PDE3A: variants seen among roughly 807,000 people sequenced by gnomAD.
PDE3A encodes the protein phosphodiesterase 3A, also known as cGMP-inhibited 3',5'-cyclic phosphodiesterase 3A.
A neutral mutation model predicts 98.3 loss-of-function variants in PDE3A; 43 were observed. The ratio of observed to expected loss-of-function variants is 0.44; its 90% confidence interval spans 0.34 to 0.56. The LOEUF (loss-of-function observed/expected upper bound fraction) is 0.56, where lower values mean the gene tolerates loss of function less well. Among genes scored for constraint, PDE3A ranks in the 20% least tolerant of loss-of-function variants. PDE3A has a pLI of 0.01. For synonymous variants in PDE3A, 663 were observed against 567.9 expected (o/e 1.17, Z -2.38); for missense variants, 1,427 against 1,440.7 (o/e 0.99, Z 0.15).
At chr12:20,493,680 C>A (rs952570100) in intron 1 of PDE3A, among the ~76,000 whole-genome samples, 2 of 152,016 alleles carry the variant, frequency 1.3e-5, no homozygotes, top group Non-Finnish European at 2.9e-5. Flanking sequence ...GCCAAGGCTG[C>A]AGTACAATGG....
At chr12:20,518,931 A>T (rs1032958701) in intron 1 of PDE3A, among the ~76,000 whole-genome samples, 1 of 152,136 alleles carries the variant, frequency 6.6e-6, no homozygotes, top group Non-Finnish European at 1.5e-5. Context: ...GAGGAATTGA[A>T]TTTTTTAAAA....
At chr12:20,467,686 C>A (rs1316375619) in intron 1 of PDE3A, among the ~76,000 whole-genome samples, 3 of 151,704 alleles carry the variant, frequency 2.0e-5, no homozygotes. Context: ...CCTGTAATCC[C>A]AGCATTTTGG....
chr12:20,491,825 T>C (rs1341188436), intron 1 of PDE3A, among the ~76,000 whole-genome samples: 1 of 152,234 alleles, frequency 6.6e-6, no homozygotes, highest in Non-Finnish European at 1.5e-5. Context: ...CGAATCTCTT[T>C]ACAGTAGTAG....
At chr12:20,457,105 C>T (rs937915631) in intron 1 of PDE3A, among the ~76,000 whole-genome samples, 1 of 151,934 alleles carries the variant, frequency 6.6e-6, no homozygotes, top group Admixed American at 6.6e-5. Context: ...CCTGACAATT[C>T]ACGTAGCAAG....
chr12:20,542,436 TACACACACACACAC>T (rs57427303), intron 1 of PDE3A, among the ~76,000 whole-genome samples: 11 of 149,834 alleles, frequency 7.3e-5, no homozygotes, highest in South Asian at 2.1e-4. Context: ...CGTAACAGCA[TACACACACACACAC>T]ACACACACAC....
At chr12:20,459,761 G>A (rs948545618) in intron 1 of PDE3A, among the ~76,000 whole-genome samples, 1 of 152,104 alleles carries the variant, frequency 6.6e-6, no homozygotes, top group Non-Finnish European at 1.5e-5. Context: ...TTGTGTATCA[G>A]TAGGGCCCGC....
intron 13 of PDE3A, 40 bp downstream of exon 13, chr12:20,648,931 T>TC: frequency 3.2e-6 from 4 of 1,246,712 alleles, no homozygotes; most frequent in Non-Finnish European, 3.4e-6. Flanking sequence ...CTTTTTCTTT[T>TC]TTTTTTTTTT....
chr12:20,584,295 T>C (rs1943139793), intron 2 of PDE3A, among the ~76,000 whole-genome samples: 1 of 152,096 alleles, frequency 6.6e-6, no homozygotes, highest in Non-Finnish European at 1.5e-5. Flanking sequence ...TGTCAGAAAA[T>C]TACAGATTGT....
At position 20,449,985 on chromosome 12, in the gene PDE3A, T is replaced by C. The variant is rs967508923; in HGVS notation, c.960+79741T>C. On this transcript the variant is annotated intron_variant, in intron 1 of 15. Coordinates refer to ENST00000359062, the MANE Select transcript of PDE3A (RefSeq NM_000921.5). ...GAGGGTTGTCAGGAACAATAAGCCC[T>C]TGCCAAGTCAATAAATTAGCTCCAT... The C allele has an allele frequency of 4.2e-6, 3 of 717,838 alleles. No homozygotes were observed. The African/African-American group carries it at 5.4e-5, about 13-fold the overall frequency. 44.5% of individuals were successfully genotyped at this position (717,838 alleles called of 1,614,324 possible).
intron 1 of PDE3A, among the ~76,000 whole-genome samples, chr12:20,429,334 C>G (rs1944656046): frequency 6.6e-6 from 1 of 152,050 alleles, no homozygotes; most frequent in African/African-American, 2.4e-5. Flanking sequence ...TTTTTTTCTT[C>G]AGTTATTCTT....
At chr12:20,555,171 A>C (rs901939473) in intron 1 of PDE3A, among the ~76,000 whole-genome samples, 16 of 151,988 alleles carry the variant, frequency 1.1e-4, no homozygotes, top group Non-Finnish European at 2.4e-4. Context: ...CTACAGGTGC[A>C]CACTACCACG....
chr12:20,418,931 A>T (rs1309633759), intron 1 of PDE3A, among the ~76,000 whole-genome samples: 1 of 152,086 alleles, frequency 6.6e-6, no homozygotes, highest in African/African-American at 2.4e-5. Flanking sequence ...GTCATATTTT[A>T]TGTAAGTAAT....
At chr12:20,371,188 A>G (rs2120492123) in intron 1 of PDE3A, among the ~76,000 whole-genome samples, 1 of 152,274 alleles carries the variant, frequency 6.6e-6, no homozygotes, top group East Asian at 1.9e-4. Context: ...GAGTCTCCTT[A>G]TTATCATTAA....
intron 2 of PDE3A, chr12:20,557,269 CATGACGCATTT>C (rs1413865491): frequency 6.5e-6 from 1 of 153,292 alleles, no homozygotes; most frequent in Admixed American, 6.5e-5. Context: ...GAAAAGCTTC[CATGACGCATTT>C]ATGCTTTTTA....
chr12:20,660,617 G>A (rs369945409), intron 15 of PDE3A, among the ~76,000 whole-genome samples: 6 of 152,264 alleles, frequency 3.9e-5, no homozygotes, highest in Non-Finnish European at 7.4e-5. Flanking sequence ...TGCTGTTCTC[G>A]TGATAGTGAA....
At chr12:20,650,820 A>AC (rs1353636038) in intron 14 of PDE3A, among the ~76,000 whole-genome samples, 2 of 91,948 alleles carry the variant, frequency 2.2e-5, no homozygotes, top group East Asian at 1.1e-3. Context: ...ATTTGCAAGC[A>AC]TTTGGGGGAA....
chr12:20,473,171 G>GTATA (rs1207450060), intron 1 of PDE3A, among the ~76,000 whole-genome samples: 1 of 152,128 alleles, frequency 6.6e-6, no homozygotes, highest in African/African-American at 2.4e-5. Flanking sequence ...ACATGAAAGA[G>GTATA]TATATATAAT....
intron 15 of PDE3A, among the ~76,000 whole-genome samples, chr12:20,662,550 T>C (rs1276229944): frequency 1.3e-5 from 2 of 152,200 alleles, no homozygotes; most frequent in Non-Finnish European, 2.9e-5. Flanking sequence ...GCAAGGAAAC[T>C]GGTGGCATTT....
chr12:20,474,843 A>G (rs563188721), intron 1 of PDE3A, among the ~76,000 whole-genome samples: 1 of 152,286 alleles, frequency 6.6e-6, no homozygotes, highest in South Asian at 2.1e-4. Context: ...AAAATCCTTA[A>G]TTTAGTCTCA....
Sources: allele counts gnomAD v4.1 joint callset (sites outside exome capture counted in the v4.1 genomes callset), GRCh38; gene constraint gnomAD v4.1.1; transcripts MANE v1.5; gene names NCBI Gene and HGNC (gene_info 2026-07-23, HGNC 2026-07-21).